Variants in OPRM1 observed in about 807,000 individuals in gnomAD.
OPRM1 encodes opioid receptor mu 1, also known as mu-type opioid receptor.
A neutral mutation model predicts 31.8 loss-of-function variants in OPRM1; 27 were observed. That is an observed-to-expected ratio of 0.85 (90% CI 0.63 to 1.17). The LOEUF (loss-of-function observed/expected upper bound fraction) is 1.17, where lower values mean the gene tolerates loss of function less well. Ranked by LOEUF, OPRM1 falls within the 50% of genes most tolerant of loss-of-function variation. The pLI, the probability that OPRM1 is intolerant of heterozygous loss-of-function variation, is 0.00. For synonymous variants in OPRM1, 196 were observed against 189.9 expected, an observed-to-expected ratio of 1.03 and a Z score of -0.26; for missense variants, 536 against 511.1, an observed-to-expected ratio of 1.05 and a Z score of -0.47.
chr6:154,213,055 G>A (rs1778097536), intron 3 of OPRM1: 2 of 553,672 alleles, frequency 3.6e-6, no homozygotes, highest in Non-Finnish European at 6.5e-6. Context: ...CGGGGCTCCT[G>A]ACCTCAAAGA....
chr6:154,109,503 C>T lies in OPRM1; in HGVS notation c.1165-9180C>T, dbSNP rs540911826. 7.9e-4 allele frequency among the ~76,000 whole-genome samples: 120 copies of T among 152,260 alleles called. 1 individual carries two copies. Among genetic ancestry groups the T allele is most frequent in the African/African-American group, 2.9e-3 (119 of 41,548 alleles). On this transcript the variant is annotated intron_variant, in intron 3 of 3. Transcript: ENST00000330432. Reference sequence around the variant, plus strand: ...TATTCAAACATCAGCATTTTGCCTACATGAAAAGGACACTGAGATAATTCA... The same window carrying T: ...TATTCAAACATCAGCATTTTGCCTATATGAAAAGGACACTGAGATAATTCA...
chr6:154,025,332 T>C (rs758887687), intron 1 of OPRM1, among the ~76,000 whole-genome samples: 34 of 152,078 alleles, frequency 2.2e-4, no homozygotes, highest in Non-Finnish European at 3.7e-4. Context: ...GATACAAGTA[T>C]AGTTAGTTAC....
chr6:154,212,902 T>C, intron 3 of OPRM1: 1 of 1,260,132 alleles, frequency 7.9e-7, no homozygotes, highest in Non-Finnish European at 1.2e-6. Context: ...TGTCATCGCT[T>C]ATTCCATAAT....
chr6:154,064,091 A>G (rs1784899091), intron 1 of OPRM1, among the ~76,000 whole-genome samples: 1 of 152,022 alleles, frequency 6.6e-6, no homozygotes, highest in Non-Finnish European at 1.5e-5. Flanking sequence ...ATTCCCACCA[A>G]CAGTCCATAA....
intron 1 of OPRM1, among the ~76,000 whole-genome samples, chr6:154,075,475 C>T (rs1413634035): frequency 4.2e-5 from 6 of 142,268 alleles, no homozygotes; most frequent in South Asian, 2.2e-4. Flanking sequence ...TTTTTCCAGA[C>T]GGAATTTCAC....
At chr6:154,135,571 C>T (rs625109), downstream of OPRM1, among the ~76,000 whole-genome samples, 137,979 of 152,248 alleles carry the variant, frequency 0.91, 62,575 homozygotes, top group East Asian at 0.98. Flanking sequence ...TTAATGTTTG[C>T]CCAGATGTGG....
intron 1 of OPRM1, among the ~76,000 whole-genome samples, chr6:154,081,856 T>A (rs1789239089): frequency 1.3e-5 from 2 of 152,212 alleles, no homozygotes; most frequent in African/African-American, 2.4e-5. Flanking sequence ...CTTGTAACTC[T>A]GTGTGCCTCG....
intron 1 of OPRM1, among the ~76,000 whole-genome samples, chr6:154,041,524 A>C (rs1423880884): frequency 6.6e-6 from 1 of 152,196 alleles, no homozygotes; most frequent in Non-Finnish European, 1.5e-5. Context: ...GACTCTAGAG[A>C]TTATCTATGC....
At chr6:154,217,871 G>T (rs968164214) in intron 3 of OPRM1, among the ~76,000 whole-genome samples, 2 of 152,092 alleles carry the variant, frequency 1.3e-5, no homozygotes, top group African/African-American at 4.8e-5. Flanking sequence ...AACAAGAAAA[G>T]GCATTTCTAA....
chr6:154,119,863 T>G lies in OPRM1; in HGVS notation c.*1142T>G, dbSNP rs1797205004. Among the ~76,000 whole-genome samples, 1 of 152,260 alleles carries G rather than the reference T, an allele frequency of 6.6e-6. No individual in the cohort carries two copies. Among genetic ancestry groups the G allele is most frequent in the Admixed American group, 6.5e-5 (1 of 15,286 alleles). Reference sequence around the variant, plus strand: ...AATATTTTCCTGAAGATTGTGTTTATATAATGTCATCACCAATATTTTGGT... The same window carrying G: ...AATATTTTCCTGAAGATTGTGTTTAGATAATGTCATCACCAATATTTTGGT... On this transcript the variant is annotated 3_prime_UTR_variant, in exon 4 of 4. Coordinates refer to ENST00000330432, the MANE Select transcript of OPRM1 (RefSeq NM_000914.5).
At chr6:154,055,907 A>G (rs535793630) in intron 1 of OPRM1, among the ~76,000 whole-genome samples, 23 of 152,356 alleles carry the variant, frequency 1.5e-4, no homozygotes, top group African/African-American at 5.3e-4. Context: ...TGCTAACTGC[A>G]TGTGACAAAA....
At position 154,127,489 on chromosome 6, in the gene OPRM1, G is replaced by T. The variant is rs1583632956; in HGVS notation, c.*8768G>T. ...TGTTTAAGACGTTTTACTTGTCCCT[G>T]AAATGTTTGTCATCACACAGATACA... On this transcript the variant is annotated 3_prime_UTR_variant, in exon 4 of 4. Coordinates refer to ENST00000330432, the MANE Select transcript of OPRM1 (RefSeq NM_000914.5). Among the ~76,000 whole-genome samples the T allele has an allele frequency of 6.6e-6, 1 of 152,126 alleles. No individual in the cohort carries two copies. Among genetic ancestry groups the T allele is most frequent in the South Asian group, 2.1e-4 (1 of 4,824 alleles).
chr6:154,048,089 A>T (rs1419149839), intron 1 of OPRM1, among the ~76,000 whole-genome samples: 1 of 152,238 alleles, frequency 6.6e-6, no homozygotes, highest in African/African-American at 2.4e-5. Flanking sequence ...ACTGGGGAAT[A>T]GGTTTTCAAC....
chr6:154,201,518 GCAGA>G (rs760797478), intron 3 of OPRM1, among the ~76,000 whole-genome samples: 18 of 152,138 alleles, frequency 1.2e-4, no homozygotes, highest in Non-Finnish European at 2.5e-4. Flanking sequence ...ATCTCCAACA[GCAGA>G]CAAGGTAGAG....
At chr6:154,182,608 T>C (rs956948289) in intron 3 of OPRM1, among the ~76,000 whole-genome samples, 30 of 152,338 alleles carry the variant, frequency 2.0e-4, no homozygotes, top group African/African-American at 7.2e-4. Flanking sequence ...TTGGTGTACA[T>C]ACAAAAAAGA....
At chr6:154,182,813 G>C (rs974209652) in intron 3 of OPRM1, among the ~76,000 whole-genome samples, 5 of 152,044 alleles carry the variant, frequency 3.3e-5, no homozygotes, top group African/African-American at 4.8e-5. Flanking sequence ...CCATGATGGG[G>C]ACAAGTGAAT....
chr6:154,090,828 T>C, intron 2 of OPRM1, 124 bp from the exon 3 acceptor site: 6 of 795,592 alleles, frequency 7.5e-6, no homozygotes, highest in Non-Finnish European at 1.2e-5. Context: ...CTTCCACAAT[T>C]TCTTTATAGC....
At chr6:154,061,646 A>G (rs1327226647) in intron 1 of OPRM1, among the ~76,000 whole-genome samples, 5 of 152,082 alleles carry the variant, frequency 3.3e-5, no homozygotes, top group Admixed American at 3.3e-4. Context: ...AGAGGGGAGC[A>G]ACAGACACCG....
intron 3 of OPRM1, among the ~76,000 whole-genome samples, chr6:154,140,387 G>GT (rs1177761780): frequency 1.3e-5 from 2 of 151,012 alleles, no homozygotes; most frequent in Admixed American, 1.3e-4. Context: ...CTGGAGTGCA[G>GT]TGGCACGATC....
Sources: allele counts gnomAD v4.1 joint callset (sites outside exome capture counted in the v4.1 genomes callset), GRCh38; gene constraint gnomAD v4.1.1; transcripts MANE v1.5; gene names NCBI Gene and HGNC (gene_info 2026-07-23, HGNC 2026-07-21).